Variants in SERINC5 observed in about 807,000 individuals in gnomAD.
The protein encoded by SERINC5 is chromosome 5 open reading frame 12.
Under a neutral mutation model 63.1 loss-of-function variants are expected in SERINC5, and 41 were observed. That is an observed-to-expected ratio of 0.65 (90% confidence interval 0.51 to 0.84). The LOEUF is 0.84. Among genes scored for constraint, SERINC5 ranks in the 40% least tolerant of loss-of-function variants. The probability of loss-of-function intolerance (pLI) is 0.00; values close to 1 mark genes in which losing one functional copy is unlikely to be tolerated. For missense variants in SERINC5, 523 were observed against 573.0 expected, an observed-to-expected ratio of 0.91 and a Z score of 0.89; for synonymous variants, 222 against 215.2, an observed-to-expected ratio of 1.03 and a Z score of -0.28.
chr5:80,192,377 C>T (rs1479970330), intron 2 of SERINC5, among the ~76,000 whole-genome samples: 4 of 152,180 alleles, frequency 2.6e-5, no homozygotes, highest in Non-Finnish European at 4.4e-5. Context: ...TTCCTCAGGG[C>T]TGTCCTCAAA....
chr5:80,235,012 G>A (rs1279382093), intron 1 of SERINC5, among the ~76,000 whole-genome samples: 3 of 151,860 alleles, frequency 2.0e-5, no homozygotes, highest in Non-Finnish European at 4.4e-5. Context: ...TATTCATATT[G>A]TTGTCCAACA....
At chr5:80,208,035 A>G (rs868546686) in intron 1 of SERINC5, among the ~76,000 whole-genome samples, 2 of 152,162 alleles carry the variant, frequency 1.3e-5, no homozygotes, top group African/African-American at 2.4e-5. Context: ...GGAAAAATCA[A>G]TTCCTGGCTG....
chr5:80,183,216 T>C (rs942893298), intron 2 of SERINC5, among the ~76,000 whole-genome samples: 4 of 152,148 alleles, frequency 2.6e-5, no homozygotes, highest in Non-Finnish European at 4.4e-5. Context: ...AGAGCACAGA[T>C]GACAAGAATG....
intron 8 of SERINC5, among the ~76,000 whole-genome samples, chr5:80,153,947 A>G (rs1253139575): frequency 6.6e-6 from 1 of 152,210 alleles, no homozygotes; most frequent in Non-Finnish European, 1.5e-5. Context: ...GAAGCTGGCC[A>G]AAGTCCACTA....
chr5:80,226,055 C>A (rs1390952388), intron 1 of SERINC5, among the ~76,000 whole-genome samples: 1 of 134,034 alleles, frequency 7.5e-6, no homozygotes, highest in Admixed American at 7.4e-5. Flanking sequence ...AAAAAAAAAA[C>A]CACCCCCCTG....
In SERINC5 at chr5:80,158,877, T is replaced by A; in HGVS notation, c.945A>T (p.Ile315=). Reference sequence around the variant, plus strand: ...ATCCGATTAAGAGGCTGGTCCCCAGTATAGTCACCAAGTTTTCATCTCTGT... The same window carrying A: ...ATCCGATTAAGAGGCTGGTCCCCAGAATAGTCACCAAGTTTTCATCTCTGT... ...DLYRDENLVT[I]LGTSLLIGCI... The change falls in exon 8 of 12, where the codon ATA becomes ATT. Residue 315 remains isoleucine, a synonymous_variant. Coordinates refer to ENST00000507668, the MANE Select transcript of SERINC5 (RefSeq NM_001174072.3). The A allele has an allele frequency of 6.2e-7, 1 of 1,613,732 alleles. No homozygotes were observed. Among genetic ancestry groups the A allele is most frequent in the Non-Finnish European group, 8.5e-7 (1 of 1,179,744 alleles).
chr5:80,245,965 TAAAAAAAAAAA>T (rs57108110), intron 1 of SERINC5, among the ~76,000 whole-genome samples: 1 of 115,986 alleles, frequency 8.6e-6, no homozygotes, highest in Non-Finnish European at 1.7e-5. Context: ...GTCAGCTCTT[TAAAAAAAAAAA>T]AAAAAAAAAA....
chr5:80,151,279 T>G (rs1478330807), intron 8 of SERINC5, among the ~76,000 whole-genome samples: 1 of 152,218 alleles, frequency 6.6e-6, no homozygotes, highest in Non-Finnish European at 1.5e-5. Context: ...CAGTTTATCT[T>G]TCCCTCCCTT....
In SERINC5 at chr5:80,139,131, T is replaced by C. The variant is rs1745353782; in HGVS notation, c.*4532A>G. On this transcript the variant is annotated 3_prime_UTR_variant, in exon 12 of 12. Coordinates refer to ENST00000507668, the MANE Select transcript of SERINC5 (RefSeq NM_001174072.3). ...CATATTGCATTTTCAAATTCTAATGTAGCAAAACGTAACCACATAATTTGG... is the reference window on the plus strand; with the variant it reads ...CATATTGCATTTTCAAATTCTAATGCAGCAAAACGTAACCACATAATTTGG... The C allele has an allele frequency of 2.0e-6, 2 of 985,214 alleles. No individual in the cohort carries two copies. The highest frequency in any genetic ancestry group is 1.7e-5 in the African/African-American group (1 of 57,342). 61.0% of individuals were successfully genotyped at this position (985,214 alleles called of 1,614,324 possible).
chr5:80,194,502 C>A (rs1749384508), intron 2 of SERINC5, among the ~76,000 whole-genome samples: 1 of 152,180 alleles, frequency 6.6e-6, no homozygotes, highest in African/African-American at 2.4e-5. Context: ...ATACCAAACA[C>A]AACCTGAAAA....
intron 8 of SERINC5, among the ~76,000 whole-genome samples, 188 bp from the exon 9 acceptor site, chr5:80,151,136 T>C (rs968179453): frequency 3.3e-5 from 5 of 152,228 alleles, no homozygotes; most frequent in African/African-American, 1.2e-4. Flanking sequence ...ATTCTATAGT[T>C]GATATCATTT....
intron 11 of SERINC5, among the ~76,000 whole-genome samples, chr5:80,129,794 G>C (rs1744871778): frequency 6.6e-6 from 1 of 152,104 alleles, no homozygotes; most frequent in Non-Finnish European, 1.5e-5. Flanking sequence ...CTGAATAGTT[G>C]AAACTATTAT....
At chr5:80,155,192 TAAG>T (rs1373880720) in intron 8 of SERINC5, among the ~76,000 whole-genome samples, 3 of 152,026 alleles carry the variant, frequency 2.0e-5, no homozygotes, top group African/African-American at 7.2e-5. Context: ...AGGGAAGAAT[TAAG>T]AAATAGTTCG....
chr5:80,179,252 T>C (rs184190753), intron 2 of SERINC5, among the ~76,000 whole-genome samples: 132 of 152,154 alleles, frequency 8.7e-4, no homozygotes, highest in Middle Eastern at 3.4e-3. Context: ...CGAGCCGAGA[T>C]CGTGACACTG....
chr5:80,243,693 C>T, intron 1 of SERINC5, among the ~76,000 whole-genome samples: 1 of 151,664 alleles, frequency 6.6e-6, no homozygotes, highest in African/African-American at 2.4e-5. Flanking sequence ...ATTGCTTAAG[C>T]CCAGGAGTTT....
intron 2 of SERINC5, among the ~76,000 whole-genome samples, chr5:80,192,752 T>C (rs34102848): frequency 0.35 from 52,471 of 152,080 alleles, 9,872 homozygotes; most frequent in East Asian, 0.81. Flanking sequence ...CAACCCCTTA[T>C]GATTATGCTC....
intron 8 of SERINC5, among the ~76,000 whole-genome samples, chr5:80,151,369 C>G (rs1006235134): frequency 6.6e-6 from 1 of 152,190 alleles, no homozygotes; most frequent in African/African-American, 2.4e-5. Flanking sequence ...AAGCAAAAGT[C>G]GCAGTTATTT....
At chr5:80,143,890 T>C (rs575043061) in intron 11 of SERINC5, 80 bp from the exon 12 acceptor site, 3 of 1,467,642 alleles carry the variant, frequency 2.0e-6, no homozygotes, top group Middle Eastern at 3.5e-4. Context: ...CCATTTATAA[T>C]GTATAATTCA....
chr5:80,164,178 G>A (rs948589481), intron 7 of SERINC5, among the ~76,000 whole-genome samples: 2 of 151,930 alleles, frequency 1.3e-5, no homozygotes, highest in Non-Finnish European at 2.9e-5. Flanking sequence ...TTGTACTTTT[G>A]TGGTTATTAT....
Sources: gnomAD v4.1 joint callset for allele counts (sites outside exome capture counted in the v4.1 genomes callset) on GRCh38, gnomAD v4.1.1 for gene constraint, MANE v1.5 for transcripts, NCBI Gene and HGNC (gene_info 2026-07-23, HGNC 2026-07-21) for gene names.